Variants in UNC5C observed in about 807,000 individuals in gnomAD.
UNC5C encodes unc-5 netrin receptor C, also known as netrin receptor UNC5C.
UNC5C carries 47 observed loss-of-function variants against 99.8 expected under a neutral mutation model. The observed-to-expected ratio is 0.47, with a 90% CI of 0.37 to 0.60. The LOEUF (loss-of-function observed/expected upper bound fraction) is 0.60. Among genes scored for constraint, UNC5C ranks in the 20% least tolerant of loss-of-function variants. The pLI is 0.00. For synonymous variants in UNC5C, 487 were observed against 452.2 expected, an observed-to-expected ratio of 1.08 and a Z score of -0.98; for missense variants, 1,062 against 1,165.9, an observed-to-expected ratio of 0.91 and a Z score of 1.30.
intron 2 of UNC5C, among the ~76,000 whole-genome samples, chr4:95,327,802 A>G (rs1442451499): frequency 1.3e-5 from 2 of 152,090 alleles, no homozygotes. Flanking sequence ...CCTTCTGCTG[A>G]GAGCCACTTC....
chr4:95,477,799 G>A (rs1032113333), intron 1 of UNC5C, among the ~76,000 whole-genome samples: 1 of 151,918 alleles, frequency 6.6e-6, no homozygotes, highest in Non-Finnish European at 1.5e-5. Context: ...TCATACTTCA[G>A]AGCACAAACT....
chr4:95,499,671 C>T (rs1225210017), intron 1 of UNC5C, among the ~76,000 whole-genome samples: 4 of 151,998 alleles, frequency 2.6e-5, no homozygotes, highest in Admixed American at 6.6e-5. Flanking sequence ...TTACAGGAAA[C>T]CTAAACCCCT....
chr4:95,176,430 G>A (rs1736346630), intron 14 of UNC5C, among the ~76,000 whole-genome samples: 1 of 152,052 alleles, frequency 6.6e-6, no homozygotes, highest in Non-Finnish European at 1.5e-5. Flanking sequence ...TGGTGTGGAT[G>A]TCCTTTCTGT....
intron 4 of UNC5C, among the ~76,000 whole-genome samples, chr4:95,265,166 T>C (rs941013695): frequency 6.6e-6 from 1 of 152,194 alleles, no homozygotes; most frequent in African/African-American, 2.4e-5. Flanking sequence ...ACTGGTTGAG[T>C]GACTTTATTC....
chr4:95,215,596 C>T (rs1016641159), intron 10 of UNC5C, among the ~76,000 whole-genome samples: 1 of 152,006 alleles, frequency 6.6e-6, no homozygotes, highest in Non-Finnish European at 1.5e-5. Flanking sequence ...TTCTGAACAG[C>T]CTAATGTGGA....
In UNC5C at chr4:95,331,906, G is replaced by A. The variant is rs942939785; in HGVS notation, c.346+3504C>T. Among the ~76,000 whole-genome samples, 9 of 151,726 alleles carry A rather than the reference G, an allele frequency of 5.9e-5. 1 individual carries two copies. The highest frequency in any genetic ancestry group is 1.0e-4 in the Non-Finnish European group (7 of 67,880). On this transcript the variant is annotated intron_variant, in intron 2 of 15. Coordinates refer to ENST00000453304, the MANE Select transcript of UNC5C (RefSeq NM_003728.4). ...ACAAAATCAATGTACAAAAATCACAGGCATTCTTATACACCAACAACAGAC... is the reference window on the plus strand; with the variant it reads ...ACAAAATCAATGTACAAAAATCACAAGCATTCTTATACACCAACAACAGAC...
At chr4:95,201,015 G>C (rs1737633636) in intron 12 of UNC5C, among the ~76,000 whole-genome samples, 1 of 152,120 alleles carries the variant, frequency 6.6e-6, no homozygotes, top group African/African-American at 2.4e-5. Context: ...TCTCTCCCCA[G>C]CTCTCCACCA....
At chr4:95,474,389 C>T (rs550459960) in intron 1 of UNC5C, among the ~76,000 whole-genome samples, 2 of 152,258 alleles carry the variant, frequency 1.3e-5, no homozygotes, top group African/African-American at 4.8e-5. Context: ...CTCCTGGGTT[C>T]AAGCGATTCT....
chr4:95,397,799 A>G (rs1210439959), intron 1 of UNC5C, among the ~76,000 whole-genome samples: 1 of 152,210 alleles, frequency 6.6e-6, no homozygotes, highest in Non-Finnish European at 1.5e-5. Flanking sequence ...TTTACAGAAC[A>G]AAGAACATTT....
chr4:95,360,991 T>C (rs1370872712), intron 1 of UNC5C, among the ~76,000 whole-genome samples: 1 of 152,198 alleles, frequency 6.6e-6, no homozygotes, highest in Admixed American at 6.6e-5. Flanking sequence ...TGTCTTCCAC[T>C]TCAGTAAACT....
chr4:95,190,496 AT>A (rs544305981), intron 12 of UNC5C, among the ~76,000 whole-genome samples: 2 of 150,622 alleles, frequency 1.3e-5, no homozygotes, highest in African/African-American at 2.4e-5. Flanking sequence ...GAATAAAAAA[AT>A]TTTTTTTTTG....
At chr4:95,404,538 T>C (rs1167292733) in intron 1 of UNC5C, among the ~76,000 whole-genome samples, 1 of 152,156 alleles carries the variant, frequency 6.6e-6, no homozygotes, top group African/African-American at 2.4e-5. Context: ...ATGGGCCACA[T>C]ACGTTCTCTG....
At chr4:95,279,021 C>A (rs1450587134) in intron 3 of UNC5C, among the ~76,000 whole-genome samples, 1 of 152,102 alleles carries the variant, frequency 6.6e-6, no homozygotes, top group Non-Finnish European at 1.5e-5. Context: ...TCTCTTGATT[C>A]TTATGCCTAC....
chr4:95,459,230 C>T (rs575551101), intron 1 of UNC5C, among the ~76,000 whole-genome samples: 32 of 152,214 alleles, frequency 2.1e-4, no homozygotes, highest in African/African-American at 7.7e-4. Context: ...TCATCGCTTC[C>T]TATGTGGAGC....
chr4:95,288,170 C>T (rs1741308492), intron 3 of UNC5C, among the ~76,000 whole-genome samples: 1 of 151,968 alleles, frequency 6.6e-6, no homozygotes, highest in African/African-American at 2.4e-5. Flanking sequence ...GAAAACTCTG[C>T]CTCCTGGTTT....
intron 1 of UNC5C, among the ~76,000 whole-genome samples, chr4:95,539,420 G>A (rs115382154): frequency 6.6e-6 from 1 of 152,162 alleles, no homozygotes; most frequent in Admixed American, 6.5e-5. Flanking sequence ...AAATGACTTC[G>A]CAATTTGCCA....
At chr4:95,305,746 A>C (rs1410028456) in intron 2 of UNC5C, among the ~76,000 whole-genome samples, 1 of 152,196 alleles carries the variant, frequency 6.6e-6, no homozygotes, top group Non-Finnish European at 1.5e-5. Context: ...AGTGCAGGAA[A>C]GTAATTAGCA....
At position 95,250,751 on chromosome 4, in the gene UNC5C, G is replaced by T. The variant is rs1474992369; in HGVS notation, c.595-84C>A. 1.2e-5 allele frequency: 17 copies of T among 1,371,258 alleles called. No homozygotes were observed. The East Asian group carries it at 3.7e-4, about 30-fold the overall frequency. The allele number at this position is 1,371,258 out of a possible 1,614,324, so 84.9% of individuals were successfully genotyped here. On this transcript the variant is annotated intron_variant, in intron 4 of 15. Transcript: ENST00000453304. ...GTCCTAACCTGCATTTTGTACACTT[G>T]ATCTTAGCCAAAAGGCCGAGAAGCG...
rs777573924 is a variant in UNC5C at position 95,245,127 on chromosome 4, T to A, written c.793A>T (p.Thr265Ser). ...TTACACACAGACCACTCCGTCCAGG[T>A]GGACCAGCCACCGTTGACTGAAAGG... ...VIVYVNGGWS[T>S]WTEWSVCNSR... Residue 265 changes from threonine to serine, a missense_variant, in exon 6 of 16, where the codon ACC becomes TCC. By Grantham distance (58) the Thr-to-Ser change is moderately conservative. Transcript: ENST00000453304. 9.9e-6 allele frequency: 16 copies of A among 1,611,846 alleles called. No homozygotes were observed. Among genetic ancestry groups the A allele is most frequent in the African/African-American group, 1.3e-5 (1 of 74,906 alleles).
Sources: allele counts gnomAD v4.1 joint callset (sites outside exome capture counted in the v4.1 genomes callset), GRCh38; gene constraint gnomAD v4.1.1; transcripts MANE v1.5; gene names NCBI Gene and HGNC (gene_info 2026-07-23, HGNC 2026-07-21).